The following FBN2 variants were observed in gnomAD, a reference collection of about 807,000 sequenced individuals.
The protein encoded by FBN2 is fibrillin 2, also known as fibrillin-2.
FBN2 carries 105 observed loss-of-function variants against 355.6 expected under a neutral mutation model. That is an observed-to-expected ratio of 0.30 (90% CI 0.25 to 0.35). The LOEUF (loss-of-function observed/expected upper bound fraction) is 0.35. Among genes scored for constraint, FBN2 ranks in the 10% least tolerant of loss-of-function variants. FBN2 has a pLI of 1.00. For synonymous variants in FBN2, 1,350 were observed against 1,301.2 expected (o/e 1.04, Z -0.81); for missense variants, 3,280 against 3,758.7 (o/e 0.87, Z 3.33).
At chr5:128,457,839 C>T (rs1318830400) in intron 6 of FBN2, among the ~76,000 whole-genome samples, 1 of 147,112 alleles carries the variant, frequency 6.8e-6, no homozygotes, top group African/African-American at 2.5e-5. Flanking sequence ...GTACCAGACA[C>T]TGCAAAAAAA....
At chr5:128,273,748 T>C in intron 61 of FBN2, 92 bp downstream of exon 61, 1 of 1,363,268 alleles carries the variant, frequency 7.3e-7, no homozygotes, top group Non-Finnish European at 1.0e-6. Flanking sequence ...CTTTTTTTTC[T>C]TTTTTTCAGA....
intron 31 of FBN2, 33 bp downstream of exon 31, chr5:128,334,686 T>C (rs1278696145): frequency 5.6e-6 from 9 of 1,613,018 alleles, no homozygotes; most frequent in African/African-American, 2.7e-5. Flanking sequence ...ATCTGAGAAG[T>C]TGAAATACAG....
chr5:128,509,802 T>C lies in FBN2; in HGVS notation c.628+9471A>G, dbSNP rs374759267. On this transcript the variant is annotated intron_variant, in intron 5 of 64. Transcript: ENST00000262464. ...GCATTTAGTCTATAGTTAATTGTTC[T>C]CCACTATTGAGGCAACACTATTCTG... Among the ~76,000 whole-genome samples, 4 of 152,166 alleles carry C rather than the reference T, an allele frequency of 2.6e-5. No homozygotes were observed. The South Asian group carries it at 8.3e-4, about 32-fold the overall frequency.
At chr5:128,450,027 C>T (rs1286781501) in intron 6 of FBN2, among the ~76,000 whole-genome samples, 2 of 152,006 alleles carry the variant, frequency 1.3e-5, no homozygotes, top group East Asian at 3.9e-4. Flanking sequence ...CATTAAACTC[C>T]TGGAGCAAGG....
intron 5 of FBN2, among the ~76,000 whole-genome samples, chr5:128,514,720 G>A (rs1264142655): frequency 2.0e-5 from 3 of 152,112 alleles, no homozygotes; most frequent in African/African-American, 4.8e-5. Context: ...AACGTGCAGT[G>A]TACGTTATAG....
chr5:128,283,784 T>A (rs1749055489), intron 55 of FBN2, among the ~76,000 whole-genome samples: 1 of 152,258 alleles, frequency 6.6e-6, no homozygotes, highest in Admixed American at 6.5e-5. Context: ...TATTCTTCTG[T>A]GTCCCCAACG....
intron 18 of FBN2, among the ~76,000 whole-genome samples, chr5:128,363,152 C>T (rs1386006880): frequency 6.6e-6 from 1 of 151,976 alleles, no homozygotes; most frequent in Non-Finnish European, 1.5e-5. Flanking sequence ...TTCTTTCTCT[C>T]TTTCTTTCTC....
At chr5:128,330,284 G>A (rs1330768566) in intron 33 of FBN2, among the ~76,000 whole-genome samples, 2 of 152,188 alleles carry the variant, frequency 1.3e-5, no homozygotes, top group Non-Finnish European at 1.5e-5. Flanking sequence ...GACAAAGCCT[G>A]TGTTTTTTTA....
chr5:128,510,001 C>T (rs527750514), intron 5 of FBN2, among the ~76,000 whole-genome samples: 5 of 152,266 alleles, frequency 3.3e-5, no homozygotes, highest in Admixed American at 3.3e-4. Flanking sequence ...CAGTATTCTG[C>T]TGAAAACTTG....
intron 46 of FBN2, 100 bp downstream of exon 46, chr5:128,302,873 T>C (rs1268907016): frequency 2.6e-6 from 2 of 781,904 alleles, no homozygotes; most frequent in East Asian, 2.5e-5. Flanking sequence ...TTTGCAATTT[T>C]AGTAATATAA....
At chr5:128,348,943 A>G (rs962796682) in intron 23 of FBN2, among the ~76,000 whole-genome samples, 1 of 152,268 alleles carries the variant, frequency 6.6e-6, no homozygotes, top group East Asian at 1.9e-4. Context: ...CAGAAGCAAC[A>G]TATCTTTGCT....
chr5:128,296,141 G>A (rs1279378173), intron 48 of FBN2, among the ~76,000 whole-genome samples: 2 of 152,022 alleles, frequency 1.3e-5, no homozygotes, highest in Admixed American at 6.6e-5. Flanking sequence ...GATTACATTT[G>A]TTGATTTGCA....
intron 36 of FBN2, among the ~76,000 whole-genome samples, chr5:128,315,600 GAACA>G (rs1277480022): frequency 2.6e-5 from 4 of 152,130 alleles, no homozygotes; most frequent in Admixed American, 2.6e-4. Flanking sequence ...ACACCAATTA[GAACA>G]ATCAATCTAA....
rs754193286 is a variant in FBN2, at chr5:128,335,243, G to A, written c.3900C>T (p.Thr1300=). 4 of 1,614,000 alleles carry A rather than the reference G, an allele frequency of 2.5e-6. No individual in the cohort carries two copies. The highest frequency in any genetic ancestry group is 2.7e-5 in the African/African-American group (2 of 74,990). The change falls in exon 30 of 65, where the codon ACC becomes ACT. Residue 1300 remains threonine, a synonymous_variant. Coordinates refer to ENST00000262464, the MANE Select transcript of FBN2 (RefSeq NM_001999.4). Reference sequence around the variant, plus strand: ...GGCAGCGATACTCTCCAGGAATGTTGGTACACTGGCCGCCATCACAGATAT... The same window carrying A: ...GGCAGCGATACTCTCCAGGAATGTTAGTACACTGGCCGCCATCACAGATAT... ...NPDICDGGQC[T]NIPGEYRCLC...
At chr5:128,531,643 A>G (rs115619327) in intron 2 of FBN2, among the ~76,000 whole-genome samples, 1,539 of 151,900 alleles carry the variant, frequency 0.01, 22 homozygotes, top group African/African-American at 0.034. Context: ...CAGGCTTTTT[A>G]AGTTTAAAAT....
chr5:128,261,494 TACA>T (rs1387416688), intron 64 of FBN2, among the ~76,000 whole-genome samples: 1 of 152,244 alleles, frequency 6.6e-6, no homozygotes, highest in African/African-American at 2.4e-5. Flanking sequence ...AATCAAAAAC[TACA>T]ACAAGAGAAA....
chr5:128,378,758 C>A lies in FBN2; in HGVS notation c.1723+13G>T. 1.9e-6 allele frequency: 3 copies of A among 1,612,692 alleles called. No individual in the cohort carries two copies. The highest frequency in any genetic ancestry group is 2.5e-6 in the Non-Finnish European group (3 of 1,179,150). ...CATGGAACATTTTCATATGTGAAAGCAAACTGCCTTACCAATGCATGCTTG... is the reference window on the plus strand; with the variant it reads ...CATGGAACATTTTCATATGTGAAAGAAAACTGCCTTACCAATGCATGCTTG... On this transcript the variant is annotated intron_variant, in intron 12 of 64. Transcript: ENST00000262464.
intron 48 of FBN2, among the ~76,000 whole-genome samples, chr5:128,295,151 T>C (rs1413998743): frequency 2.0e-5 from 3 of 147,364 alleles, no homozygotes; most frequent in Non-Finnish European, 3.0e-5. Context: ...GTTGTAGATA[T>C]GCGGCGTTAT....
At position 128,533,966 on chromosome 5, in the gene FBN2, C is replaced by A. The variant is rs868255678; in HGVS notation, c.337+2436G>T. Reference sequence around the variant, plus strand: ...TTCTAGGCTACAACTAAGCACAATACCAACAAAACATAGAGACTCAAATCA... The same window carrying A: ...TTCTAGGCTACAACTAAGCACAATAACAACAAAACATAGAGACTCAAATCA... On this transcript the variant is annotated intron_variant, in intron 2 of 64. Coordinates refer to ENST00000262464, the MANE Select transcript of FBN2 (RefSeq NM_001999.4). Among the ~76,000 whole-genome samples, 9 of 151,916 alleles carry A rather than the reference C, an allele frequency of 5.9e-5. No individual in the cohort carries two copies. In the South Asian group the frequency reaches 1.0e-3, roughly 17 times the overall value.
Sources: allele counts gnomAD v4.1 joint callset (sites outside exome capture counted in the v4.1 genomes callset), GRCh38; gene constraint gnomAD v4.1.1; transcripts MANE v1.5; gene names NCBI Gene and HGNC (gene_info 2026-07-23, HGNC 2026-07-21).